Variants in FSHR observed in about 807,000 individuals in gnomAD.
FSHR encodes follicle-stimulating hormone receptor.
FSHR carries 46 observed loss-of-function variants against 52.1 expected under a neutral mutation model. The ratio of observed to expected loss-of-function variants is 0.88; its 90% CI spans 0.70 to 1.13. The LOEUF is 1.13. Ranked by LOEUF, FSHR falls within the 50% of genes most tolerant of loss-of-function variation. FSHR has a pLI of 0.00. For synonymous variants in FSHR, 399 were observed against 309.6 expected (o/e 1.29, Z -3.03); for missense variants, 964 against 834.6 (o/e 1.16, Z -1.91).
At chr2:49,010,716 G>C (rs1355439350) in intron 4 of FSHR, among the ~76,000 whole-genome samples, 1 of 151,858 alleles carries the variant, frequency 6.6e-6, no homozygotes. Context: ...TCCTGTTATT[G>C]GTCTATTCAG....
At chr2:49,006,085 T>C (rs190118117) in intron 4 of FSHR, among the ~76,000 whole-genome samples, 1 of 152,102 alleles carries the variant, frequency 6.6e-6, no homozygotes, top group Non-Finnish European at 1.5e-5. Flanking sequence ...TTCTTCAGAT[T>C]TGGGACTCAG....
intron 1 of FSHR, among the ~76,000 whole-genome samples, chr2:49,121,247 A>G (rs966904798): frequency 7.2e-5 from 11 of 152,190 alleles, no homozygotes; most frequent in Admixed American, 2.6e-4. Flanking sequence ...ATCAGAATCT[A>G]TTTCATTATT....
At chr2:49,023,371 G>C (rs905808425) in intron 2 of FSHR, among the ~76,000 whole-genome samples, 7 of 152,138 alleles carry the variant, frequency 4.6e-5, no homozygotes, top group Non-Finnish European at 7.4e-5. Flanking sequence ...ATGGATCAAA[G>C]GGTAGACTAA....
intron 2 of FSHR, among the ~76,000 whole-genome samples, chr2:49,034,653 T>G (rs901637625): frequency 7.2e-5 from 11 of 152,218 alleles, no homozygotes; most frequent in Non-Finnish European, 1.5e-4. Flanking sequence ...AACACCTTTT[T>G]GGAATGATTA....
At chr2:49,014,585 T>G in intron 4 of FSHR, 1 of 231,646 alleles carries the variant, frequency 4.3e-6, no homozygotes, top group South Asian at 5.4e-5. Flanking sequence ...GCCAAGGGGG[T>G]CCTCATTCAT....
chr2:49,107,757 G>T (rs1671282870), intron 1 of FSHR, among the ~76,000 whole-genome samples: 1 of 152,132 alleles, frequency 6.6e-6, no homozygotes, highest in African/African-American at 2.4e-5. Context: ...TGAGGAAAAT[G>T]AGGTTGAAAG....
At chr2:49,131,823 G>C (rs534017313) in intron 1 of FSHR, among the ~76,000 whole-genome samples, 5 of 152,158 alleles carry the variant, frequency 3.3e-5, no homozygotes, top group East Asian at 1.9e-4. Flanking sequence ...ACCAACTATG[G>C]CTTCTCTCTT....
intron 1 of FSHR, among the ~76,000 whole-genome samples, chr2:49,104,688 A>G (rs1056455769): frequency 6.6e-6 from 1 of 152,132 alleles, no homozygotes; most frequent in Non-Finnish European, 1.5e-5. Flanking sequence ...AAGAGGACCG[A>G]AGTTGCTTCA....
chr2:49,081,076 C>A (rs1223643055), intron 1 of FSHR, among the ~76,000 whole-genome samples: 2 of 152,088 alleles, frequency 1.3e-5, no homozygotes, highest in Non-Finnish European at 2.9e-5. Context: ...TTCTGATTGA[C>A]CCTACTGTTT....
chr2:49,152,198 C>G (rs1242836841), intron 1 of FSHR, among the ~76,000 whole-genome samples: 1 of 152,090 alleles, frequency 6.6e-6, no homozygotes, highest in Non-Finnish European at 1.5e-5. Context: ...GCAACTTTGT[C>G]CTCTAATACG....
At chr2:49,089,215 C>T (rs1670508957) in intron 1 of FSHR, among the ~76,000 whole-genome samples, 2 of 152,068 alleles carry the variant, frequency 1.3e-5, no homozygotes, top group Admixed American at 6.5e-5. Flanking sequence ...ACATGTATTT[C>T]GACAGGGAGA....
At chr2:49,016,271 A>C (rs1474100099) in intron 4 of FSHR, among the ~76,000 whole-genome samples, 1 of 152,198 alleles carries the variant, frequency 6.6e-6, no homozygotes, top group East Asian at 1.9e-4. Flanking sequence ...AAATGGCTTC[A>C]ATTCTGTATC....
chr2:48,980,182 G>T (rs191318189), intron 8 of FSHR, among the ~76,000 whole-genome samples: 1 of 152,166 alleles, frequency 6.6e-6, no homozygotes, highest in South Asian at 2.1e-4. Flanking sequence ...GAGGAAATTC[G>T]CAATTATAGG....
intron 1 of FSHR, among the ~76,000 whole-genome samples, chr2:49,102,275 C>A (rs996518330): frequency 1.3e-5 from 2 of 152,096 alleles, no homozygotes; most frequent in Non-Finnish European, 2.9e-5. Flanking sequence ...AGTCATCCTC[C>A]TTTGGGACTT....
intron 4 of FSHR, among the ~76,000 whole-genome samples, chr2:49,004,018 G>T (rs756036410): frequency 1.3e-5 from 2 of 152,174 alleles, no homozygotes; most frequent in Non-Finnish European, 2.9e-5. Context: ...TGGAATAAGA[G>T]GCAACAGTTT....
In FSHR at chr2:49,104,505, G is replaced by A. The variant is rs1022382634; in HGVS notation, c.153-36215C>T. On this transcript the variant is annotated intron_variant, in intron 1 of 9. Coordinates refer to ENST00000406846, the MANE Select transcript of FSHR (RefSeq NM_000145.4). The stretch of plus-strand genomic sequence containing the variant: ...GCTTTTCTTTTAGATAGAAAGAAAA[G>A]CTTAAGAAAATGTTCTTGTTCAGTC... Among the ~76,000 whole-genome samples, 89 of 152,242 alleles carry A rather than the reference G, an allele frequency of 5.8e-4. 1 individual carries two copies. The highest frequency in any genetic ancestry group is 1.9e-3 in the African/African-American group (80 of 41,550).
intron 4 of FSHR, among the ~76,000 whole-genome samples, chr2:49,013,526 A>AT (rs1558389588): frequency 6.9e-5 from 10 of 143,938 alleles, no homozygotes; most frequent in African/African-American, 2.3e-4. Context: ...AAATATATAT[A>AT]AAAATATATA....
At chr2:49,100,986 A>T (rs894906281) in intron 1 of FSHR, among the ~76,000 whole-genome samples, 10 of 152,170 alleles carry the variant, frequency 6.6e-5, no homozygotes, top group Non-Finnish European at 1.5e-5. Flanking sequence ...AAGCCTAGTG[A>T]TAAAAATGGC....
intron 1 of FSHR, among the ~76,000 whole-genome samples, chr2:49,097,031 A>G (rs1254466538): frequency 2.0e-5 from 3 of 152,184 alleles, no homozygotes; most frequent in African/African-American, 7.2e-5. Context: ...TGAGCCAATT[A>G]AATCTCTTTT....
Sources: gnomAD v4.1 joint callset for allele counts (sites outside exome capture counted in the v4.1 genomes callset) on GRCh38, gnomAD v4.1.1 for gene constraint, MANE v1.5 for transcripts, NCBI Gene and HGNC (gene_info 2026-07-23, HGNC 2026-07-21) for gene names.